The following ITGB1 variants were observed in gnomAD, a reference collection of about 807,000 sequenced individuals.
ITGB1 encodes the protein integrin subunit beta 1, also known as integrin beta-1.
In ITGB1, 24 loss-of-function variants were observed where a neutral mutation model predicts 86.5. That is an observed-to-expected ratio of 0.28 (90% CI 0.20 to 0.39). The LOEUF is 0.39. ITGB1 is among the 10% of genes least tolerant of loss of function. ITGB1 has a pLI of 1.00. For synonymous variants in ITGB1, 323 were observed against 316.8 expected (o/e 1.02, Z -0.21); for missense variants, 556 against 946.9 (o/e 0.59, Z 5.42).
intron 5 of ITGB1, 45 bp from the exon 6 acceptor site, chr10:32,926,154 G>T (rs2094963868): frequency 7.7e-7 from 1 of 1,299,276 alleles, no homozygotes; most frequent in Non-Finnish European, 1.1e-6. Context: ...TGGATGGATA[G>T]ATGGAAAGAC....
chr10:32,912,023 A>G lies in ITGB1; in HGVS notation c.1571T>C (p.Ile524Thr). 6.2e-7 allele frequency: 1 copy of G among 1,614,138 alleles called. No homozygotes were observed. The highest frequency in any genetic ancestry group is 8.5e-7 in the Non-Finnish European group (1 of 1,180,000). Reference sequence around the variant, plus strand: ...GACGCACTCTCCATTGTTACTGCAGATTTCTGAACTGTTTTCTTTCCTGCA... The same window carrying G: ...GACGCACTCTCCATTGTTACTGCAGGTTTCTGAACTGTTTTCTTTCCTGCA... ...AYCRKENSSE[I>T]CSNNGECVCG... The change falls in exon 12 of 16, where the codon ATC becomes ACC. Residue 524 changes from isoleucine to threonine, a missense_variant. Ile to Thr is a moderately conservative substitution (Grantham distance 89). This residue lies in a region of ITGB1 where 330 missense variants were observed against 531.5 expected (regional missense o/e 0.62). Coordinates refer to ENST00000302278, the MANE Select transcript of ITGB1 (RefSeq NM_002211.4).
chr10:32,923,851 CTG>C, intron 6 of ITGB1, 111 bp from the exon 7 acceptor site: 1 of 860,072 alleles, frequency 1.2e-6, no homozygotes, highest in Non-Finnish European at 1.8e-6. Flanking sequence ...TCTGTATTTT[CTG>C]TGTCTTCTCT....
At chr10:32,955,330 T>C (rs2095050259) in intron 1 of ITGB1, among the ~76,000 whole-genome samples, 1 of 152,168 alleles carries the variant, frequency 6.6e-6, no homozygotes, top group African/African-American at 2.4e-5. Context: ...ATCCTAACTC[T>C]CTGGCAGAGT....
rs377147853 is a variant in ITGB1 at position 32,942,539 on chromosome 10, A to G, written c.1-6981T>C. Reference sequence around the variant, plus strand: ...TATCTTATTTATAGCTATTGCACCTAGAAATACTTGGCACAAAGTCCATGC... The same window carrying G: ...TATCTTATTTATAGCTATTGCACCTGGAAATACTTGGCACAAAGTCCATGC... On this transcript the variant is annotated intron_variant, in intron 1 of 15. Coordinates refer to ENST00000302278, the MANE Select transcript of ITGB1 (RefSeq NM_002211.4). Among the ~76,000 whole-genome samples the G allele has an allele frequency of 2.7e-4, 41 of 152,360 alleles. No individual in the cohort carries two copies. In the South Asian group the frequency reaches 8.3e-3, roughly 31 times the overall value.
chr10:32,941,330 G>C (rs2095017722), intron 1 of ITGB1, among the ~76,000 whole-genome samples: 1 of 152,122 alleles, frequency 6.6e-6, no homozygotes, highest in African/African-American at 2.4e-5. Context: ...GTATGTTTTT[G>C]TAACTATATC....
intron 5 of ITGB1, 39 bp from the exon 6 acceptor site, chr10:32,926,148 T>C: frequency 2.3e-6 from 3 of 1,323,914 alleles, no homozygotes; most frequent in East Asian, 2.3e-5. Context: ...AATGAATGGA[T>C]GGATAGATGG....
rs770349356 is a variant in ITGB1 at position 32,910,320 on chromosome 10, G to C, written c.2067C>G (p.Ser689=). 3.1e-6 allele frequency: 5 copies of C among 1,602,756 alleles called. No individual in the cohort carries two copies. The Admixed American group carries it at 5.0e-5, about 16-fold the overall frequency. ...CGTCAACATCCTTCTCCTTACAATG[G>C]GACACAGGATCAGGTTGGACCGGCT... ...LPQPVQPDPV[S]HCKEKDVDDC... The change falls in exon 14 of 16, where the codon TCC becomes TCG. Residue 689 remains serine, a synonymous_variant. Transcript: ENST00000302278.
intron 11 of ITGB1, among the ~76,000 whole-genome samples, chr10:32,914,864 T>G (rs2137181347): frequency 6.6e-6 from 1 of 152,188 alleles, no homozygotes; most frequent in African/African-American, 2.4e-5. Flanking sequence ...GAATATACAT[T>G]CTTCTCAGCC....
intron 1 of ITGB1, chr10:32,944,784 G>A (rs2095027385): frequency 2.6e-6 from 2 of 755,862 alleles, no homozygotes; most frequent in Non-Finnish European, 4.8e-6. Context: ...CATCCTGCCA[G>A]TGGCTGAGTC....
chr10:32,914,756 C>T (rs988207864), intron 11 of ITGB1, among the ~76,000 whole-genome samples: 19 of 152,030 alleles, frequency 1.2e-4, no homozygotes, highest in Non-Finnish European at 2.2e-4. Flanking sequence ...GACAGACCAA[C>T]GAGACAGAAA....
chr10:32,940,173 G>A (rs776078443), intron 1 of ITGB1, among the ~76,000 whole-genome samples: 24 of 151,980 alleles, frequency 1.6e-4, no homozygotes, highest in African/African-American at 3.6e-4. Context: ...GTGAAACCCC[G>A]TCTCTACAAA....
Position 32,901,389 on chromosome 10 carries a change from C to G in ITGB1, c.*181G>C. 2.0e-6 allele frequency: 1 copy of G among 495,526 alleles called. No homozygotes were observed. The highest frequency in any genetic ancestry group is 3.6e-6 in the Non-Finnish European group (1 of 277,194). 30.7% of individuals were successfully genotyped at this position (495,526 alleles called of 1,614,324 possible). A position where few individuals can be genotyped will look rare whatever the true frequency, so the allele number is the denominator to read the frequency against. On this transcript the variant is annotated 3_prime_UTR_variant, in exon 16 of 16. Coordinates refer to ENST00000302278, the MANE Select transcript of ITGB1 (RefSeq NM_002211.4). ...TCCTGTCTCAAGTCTTTTGTCAGTC[C>G]CTGGCATGAATTACAACATTATTTT...
At position 32,945,789 on chromosome 10, in the gene ITGB1, G is replaced by T. The variant is rs532853113; in HGVS notation, c.1-10231C>A. 8.5e-5 allele frequency among the ~76,000 whole-genome samples: 13 copies of T among 152,252 alleles called. No homozygotes were observed. The South Asian group carries it at 2.5e-3, about 29-fold the overall frequency. On this transcript the variant is annotated intron_variant, in intron 1 of 15. Coordinates refer to ENST00000302278, the MANE Select transcript of ITGB1 (RefSeq NM_002211.4). ...AAGCAACTGGATTCACAGATTTGTT[G>T]TAAGATACAAATTCACTGCTGCCTT...
At position 32,906,944 on chromosome 10, in the gene ITGB1, A is replaced by G. The variant is rs1340164275; in HGVS notation, c.2331+1424T>C. ...GTTAACATACAAAAAGAAAAGCCAC[A>G]ATAGCGATATTTAAAGCCAGACTTA... On this transcript the variant is annotated intron_variant, in intron 15 of 15. Transcript: ENST00000302278. 3 of 494,062 alleles carry G rather than the reference A, an allele frequency of 6.1e-6. No individual in the cohort carries two copies. The Admixed American group carries it at 9.3e-5, about 15-fold the overall frequency. The allele number at this position is 494,062 out of a possible 1,614,324, so 30.6% of individuals were successfully genotyped here.
chr10:32,938,999 G>A (rs1200769767), intron 1 of ITGB1, among the ~76,000 whole-genome samples: 1 of 152,136 alleles, frequency 6.6e-6, no homozygotes, highest in East Asian at 1.9e-4. Context: ...GGTGCCCCCT[G>A]CACATGCGCA....
At chr10:32,921,840 T>C (rs931073347) in intron 9 of ITGB1, among the ~76,000 whole-genome samples, 4 of 151,722 alleles carry the variant, frequency 2.6e-5, no homozygotes, top group Non-Finnish European at 5.9e-5. Flanking sequence ...TCTGAATATA[T>C]GGGAAGAGAA....
At chr10:32,910,546 C>A in intron 13 of ITGB1, 91 bp from the exon 14 acceptor site, 2 of 776,018 alleles carry the variant, frequency 2.6e-6, no homozygotes, top group East Asian at 2.7e-5. Flanking sequence ...ACTCTTGTGA[C>A]CAAATTGAAC....
Position 32,911,440 on chromosome 10 carries a change from A to G in ITGB1, c.1931+8T>C, listed in dbSNP as rs55656201. On this transcript the variant is annotated splice_region_variant and intron_variant, in intron 13 of 15. Transcript: ENST00000302278. ...ATCAACTATTTCAAGCAATTAGGAA[A>G]TACTTACTTATGCTCAGCACAGACA... is the stretch of plus-strand genomic sequence containing the variant. The G allele has an allele frequency of 0.014, 22,928 of 1,612,478 alleles. 228 individuals are homozygous for G. Among genetic ancestry groups the G allele is most frequent in the Non-Finnish European group, 0.016 (19,083 of 1,178,776 alleles).
chr10:32,914,909 T>C (rs982633154), intron 11 of ITGB1, among the ~76,000 whole-genome samples: 2 of 152,150 alleles, frequency 1.3e-5, no homozygotes, highest in African/African-American at 4.8e-5. Context: ...GACTACATAA[T>C]TGGAAGCAAA....
Sources: gnomAD v4.1 joint callset for allele counts (sites outside exome capture counted in the v4.1 genomes callset) on GRCh38, gnomAD v4.1.1 for gene constraint, gnomAD v4.1.1 regional missense constraint, MANE v1.5 for transcripts, NCBI Gene and HGNC (gene_info 2026-07-23, HGNC 2026-07-21) for gene names.